SYT9: variants seen among roughly 807,000 people sequenced by gnomAD.
SYT9 encodes synaptotagmin 9, also known as synaptotagmin-9.
In SYT9, 22 loss-of-function variants were observed where a neutral mutation model predicts 48.4. The observed-to-expected ratio is 0.45, with a 90% confidence interval of 0.32 to 0.65. SYT9 has a LOEUF of 0.65. SYT9 is among the 30% of genes least tolerant of loss of function. SYT9 has a pLI of 0.03. For missense variants in SYT9, 577 were observed against 622.0 expected, an observed-to-expected ratio of 0.93 and a Z score of 0.77; for synonymous variants, 265 against 245.0, an observed-to-expected ratio of 1.08 and a Z score of -0.76.
chr11:7,315,340 A>C (rs1275681966), intron 3 of SYT9, among the ~76,000 whole-genome samples: 1 of 152,246 alleles, frequency 6.6e-6, no homozygotes, highest in African/African-American at 2.4e-5. Flanking sequence ...GAAGGTTTAA[A>C]GAAACAAAAT....
chr11:7,303,474 G>T (rs1444807084), intron 2 of SYT9, 84 bp downstream of exon 2: 1 of 1,206,656 alleles, frequency 8.3e-7, no homozygotes, highest in Non-Finnish European at 1.1e-6. Context: ...ATAGGTCAAG[G>T]AGCCTGTAAC....
intron 1 of SYT9, among the ~76,000 whole-genome samples, chr11:7,290,096 A>G (rs1010993934): frequency 6.6e-6 from 1 of 152,348 alleles, no homozygotes; most frequent in African/African-American, 2.4e-5. Context: ...GGAGTTTTAC[A>G]TTGGAACAAA....
chr11:7,403,805 G>C (rs1050058627), intron 3 of SYT9, among the ~76,000 whole-genome samples: 5 of 151,920 alleles, frequency 3.3e-5, no homozygotes, highest in African/African-American at 7.3e-5. Context: ...TTTGGTAAAC[G>C]GCTCTTTATA....
chr11:7,319,426 A>G (rs1849301926), intron 3 of SYT9, among the ~76,000 whole-genome samples: 1 of 151,218 alleles, frequency 6.6e-6, no homozygotes, highest in African/African-American at 2.4e-5. Context: ...TCTGACCTCC[A>G]ATTGTTTTTG....
chr11:7,286,399 C>T (rs537680199), intron 1 of SYT9, among the ~76,000 whole-genome samples: 1 of 152,340 alleles, frequency 6.6e-6, no homozygotes, highest in Admixed American at 6.5e-5. Flanking sequence ...AGGCTGCACA[C>T]AGCAGGGGGG....
At chr11:7,317,227 G>T (rs1589940456) in intron 3 of SYT9, among the ~76,000 whole-genome samples, 1 of 152,082 alleles carries the variant, frequency 6.6e-6, no homozygotes, top group Non-Finnish European at 1.5e-5. Flanking sequence ...AAGTGTTAAG[G>T]TTTTGTCTTC....
chr11:7,432,484 C>T (rs60802489), intron 6 of SYT9, among the ~76,000 whole-genome samples: 55,212 of 142,454 alleles, frequency 0.39, 10,477 homozygotes, highest in Middle Eastern at 0.54. Context: ...GAGGCAGAGG[C>T]TGCAGTGAGC....
intron 1 of SYT9, among the ~76,000 whole-genome samples, chr11:7,288,268 C>T (rs1026742049): frequency 2.3e-4 from 31 of 136,776 alleles, no homozygotes; most frequent in Admixed American, 3.1e-4. Flanking sequence ...TTTGGTAAAA[C>T]TATGGCATTA....
chr11:7,250,452 C>T (rs1426850730), upstream of SYT9, among the ~76,000 whole-genome samples: 2 of 87,852 alleles, frequency 2.3e-5, no homozygotes, highest in South Asian at 3.3e-4. Context: ...CCCCCCGCCA[C>T]CCCCCCCCAG....
intron 6 of SYT9, chr11:7,456,984 TC>T (rs1386749622): frequency 6.6e-6 from 1 of 152,224 alleles, no homozygotes; most frequent in African/African-American, 2.4e-5. Context: ...CATGTAACTC[TC>T]CCACTTAAAA....
At chr11:7,276,768 C>T (rs1201258435) in intron 1 of SYT9, among the ~76,000 whole-genome samples, 1 of 152,168 alleles carries the variant, frequency 6.6e-6, no homozygotes, top group African/African-American at 2.4e-5. Context: ...TATCTGCCAG[C>T]CAGGCACAGT....
At chr11:7,390,422 G>A (rs1015161300) in intron 3 of SYT9, among the ~76,000 whole-genome samples, 3 of 152,126 alleles carry the variant, frequency 2.0e-5, no homozygotes, top group East Asian at 1.9e-4. Flanking sequence ...AATGAGCCAT[G>A]TGTCATGGTT....
intron 6 of SYT9, among the ~76,000 whole-genome samples, chr11:7,421,393 T>C (rs1847351493): frequency 6.6e-6 from 1 of 152,262 alleles, no homozygotes; most frequent in African/African-American, 2.4e-5. Context: ...TGAATTCTCA[T>C]GCAAGACTGC....
intron 3 of SYT9, among the ~76,000 whole-genome samples, chr11:7,387,196 A>G (rs1216998423): frequency 6.6e-6 from 1 of 152,140 alleles, no homozygotes; most frequent in Non-Finnish European, 1.5e-5. Context: ...ATTAGGAGAT[A>G]TACCTAATGT....
chr11:7,347,713 G>C (rs926829845), intron 3 of SYT9, among the ~76,000 whole-genome samples: 19 of 152,200 alleles, frequency 1.2e-4, no homozygotes, highest in African/African-American at 4.6e-4. Flanking sequence ...TTGGCCAGCA[G>C]CTTTTTGAGG....
intron 2 of SYT9, among the ~76,000 whole-genome samples, chr11:7,304,932 C>A (rs2133940220): frequency 6.6e-6 from 1 of 152,290 alleles, no homozygotes; most frequent in African/African-American, 2.4e-5. Context: ...CTGCATGTAA[C>A]TTTTCTGGTC....
upstream of SYT9, among the ~76,000 whole-genome samples, chr11:7,250,058 G>A (rs1170988422): frequency 6.6e-6 from 1 of 152,008 alleles, no homozygotes; most frequent in African/African-American, 2.4e-5. Context: ...ACCATCCCAT[G>A]TGGCAACTCA....
chr11:7,402,576 A>G (rs1846915468), intron 3 of SYT9, among the ~76,000 whole-genome samples: 1 of 152,170 alleles, frequency 6.6e-6, no homozygotes, highest in Admixed American at 6.5e-5. Flanking sequence ...CCCTTTATCA[A>G]TGAAATGTCT....
intron 1 of SYT9, among the ~76,000 whole-genome samples, chr11:7,288,974 C>A (rs1848649975): frequency 6.6e-6 from 1 of 152,218 alleles, no homozygotes; most frequent in Non-Finnish European, 1.5e-5. Context: ...GCTTGGACCC[C>A]TGGTGATACA....
Sources: gnomAD v4.1 joint callset for allele counts (sites outside exome capture counted in the v4.1 genomes callset) on GRCh38, gnomAD v4.1.1 for gene constraint, MANE v1.5 for transcripts, NCBI Gene and HGNC (gene_info 2026-07-23, HGNC 2026-07-21) for gene names.